SAMD4A: variants seen among roughly 807,000 people sequenced by gnomAD.
The protein encoded by SAMD4A is sterile alpha motif domain containing 4A, also known as protein Smaug homolog 1.
Under a neutral mutation model 81.3 loss-of-function variants are expected in SAMD4A, and 33 were observed. The observed-to-expected ratio is 0.41, with a 90% CI of 0.31 to 0.54. The LOEUF is 0.54. Ranked by LOEUF, SAMD4A falls within the 20% of genes least tolerant of loss-of-function variation. SAMD4A has a pLI of 0.37. For synonymous variants in SAMD4A, 389 were observed against 382.1 expected (o/e 1.02, Z -0.21); for missense variants, 854 against 951.1 (o/e 0.90, Z 1.34).
chr14:54,686,941 T>TTA (rs1414657447), intron 2 of SAMD4A, among the ~76,000 whole-genome samples: 1 of 152,202 alleles, frequency 6.6e-6, no homozygotes, highest in Non-Finnish European at 1.5e-5. Context: ...CATCAGTTGT[T>TTA]TGATAAATAA....
intron 2 of SAMD4A, among the ~76,000 whole-genome samples, chr14:54,630,660 G>T (rs1038553350): frequency 1.3e-5 from 2 of 152,056 alleles, no homozygotes; most frequent in Admixed American, 6.6e-5. Flanking sequence ...CTTTGGTGGT[G>T]GTGGTCATGG....
At chr14:54,565,710 C>T (rs1032289559), upstream of SAMD4A, among the ~76,000 whole-genome samples, 1 of 152,096 alleles carries the variant, frequency 6.6e-6, no homozygotes, top group African/African-American at 2.4e-5. This position sits in a 1 kb window ranked among gnomAD's most constrained non-coding sequence, Gnocchi z 5.4. Context: ...CGGGTGGCAG[C>T]ACCGCCCCCG....
At chr14:54,724,003 T>TGGAAGGAAGGAAGGAAGAAGGAA (rs1311416081) in intron 3 of SAMD4A, among the ~76,000 whole-genome samples, 2 of 56,458 alleles carry the variant, frequency 3.5e-5, no homozygotes, top group Non-Finnish European at 8.7e-5. Context: ...GATGGATGGA[T>TGGAAGGAAGGAAGGAAGAAGGAA]GGATGGAAGG....
rs1219693716 is a variant in SAMD4A at position 54,789,766 on chromosome 14, T to A, written c.*822T>A. On this transcript the variant is annotated 3_prime_UTR_variant, in exon 13 of 13. Transcript: ENST00000554335. ...CAGTCATGTAGGCCTGAGCTGTCCG[T>A]CTTTCACCGTTAGGTGGGAGGAGCG... is the stretch of plus-strand genomic sequence containing the variant. The A allele has an allele frequency of 1.3e-5, 2 of 152,296 alleles. No homozygotes were observed. Among genetic ancestry groups the A allele is most frequent in the Non-Finnish European group, 2.9e-5 (2 of 68,088 alleles). The allele number at this position is 152,296 out of a possible 1,614,324, so 9.4% of individuals were successfully genotyped here. A position where few individuals can be genotyped will look rare whatever the true frequency, so the allele number is the denominator to read the frequency against.
At chr14:54,655,328 T>C (rs992470965) in intron 2 of SAMD4A, among the ~76,000 whole-genome samples, 2 of 152,194 alleles carry the variant, frequency 1.3e-5, no homozygotes, top group Non-Finnish European at 2.9e-5. Context: ...ATCAGTGCAA[T>C]GGCAGTTGGT....
At chr14:54,720,264 T>C (rs548276360) in intron 3 of SAMD4A, among the ~76,000 whole-genome samples, 1 of 152,192 alleles carries the variant, frequency 6.6e-6, no homozygotes, top group Non-Finnish European at 1.5e-5. Flanking sequence ...TCTGAAGATA[T>C]CACATTTGAT....
intron 3 of SAMD4A, among the ~76,000 whole-genome samples, chr14:54,714,229 G>T (rs2037062488): frequency 6.6e-6 from 1 of 152,086 alleles, no homozygotes; most frequent in Non-Finnish European, 1.5e-5. Flanking sequence ...TTAAAATGGA[G>T]CAGGAATTTA....
intron 2 of SAMD4A, among the ~76,000 whole-genome samples, chr14:54,650,729 C>A (rs1490388666): frequency 1.4e-4 from 21 of 152,138 alleles, no homozygotes; most frequent in Non-Finnish European, 1.5e-5. Context: ...CCAACATAAG[C>A]TTTTCTCCTC....
rs1257364604 is a variant in SAMD4A, at chr14:54,628,438, ACT to A, written c.196+60329_196+60330del. ...GAAGAATATTTACTGCAGCAGTATA[ACT>A]CTGCATCAGATGAAATTGCTGATGC... On this transcript the variant is annotated intron_variant, in intron 2 of 12. Transcript: ENST00000554335. 3.3e-5 allele frequency among the ~76,000 whole-genome samples: 5 copies of A among 152,098 alleles called. No individual in the cohort carries two copies. The South Asian group carries it at 6.2e-4, about 19-fold the overall frequency.
At chr14:54,615,782 A>AT (rs34742092) in intron 2 of SAMD4A, among the ~76,000 whole-genome samples, 68,302 of 152,070 alleles carry the variant, frequency 0.45, 15,314 homozygotes, top group Middle Eastern at 0.51. Context: ...TATTACTAAT[A>AT]TTTTAAGCAT....
chr14:54,696,350 ATGATG>A (rs1213986803), intron 2 of SAMD4A, among the ~76,000 whole-genome samples: 6 of 152,220 alleles, frequency 3.9e-5, no homozygotes, highest in African/African-American at 1.4e-4. Context: ...CTTTTAGTAC[ATGATG>A]TGTCTAGGAT....
At chr14:54,575,118 T>C (rs2033249679) in intron 2 of SAMD4A, among the ~76,000 whole-genome samples, 1 of 152,160 alleles carries the variant, frequency 6.6e-6, no homozygotes, top group Non-Finnish European at 1.5e-5. Context: ...GGGAAGTGAA[T>C]GTCCCCCCAA....
At chr14:54,782,840 T>C (rs2139976199) in intron 11 of SAMD4A, among the ~76,000 whole-genome samples, 1 of 152,366 alleles carries the variant, frequency 6.6e-6, no homozygotes, top group Middle Eastern at 3.4e-3. Context: ...TTCAGCTTCC[T>C]ATCCCACCAA....
At chr14:54,628,087 C>T (rs1307283760) in intron 2 of SAMD4A, among the ~76,000 whole-genome samples, 1 of 151,992 alleles carries the variant, frequency 6.6e-6, no homozygotes, top group Non-Finnish European at 1.5e-5. Flanking sequence ...AATTCCATTT[C>T]CTCTCCTCTC....
chr14:54,781,356 G>A (rs1199791014), intron 11 of SAMD4A, among the ~76,000 whole-genome samples: 1 of 152,220 alleles, frequency 6.6e-6, no homozygotes, highest in Non-Finnish European at 1.5e-5. Flanking sequence ...GGATGCTGCA[G>A]CAGCACCTCA....
At chr14:54,756,124 C>T (rs1191993028) in intron 6 of SAMD4A, among the ~76,000 whole-genome samples, 1 of 152,158 alleles carries the variant, frequency 6.6e-6, no homozygotes, top group Non-Finnish European at 1.5e-5. Flanking sequence ...CTAAATATTT[C>T]TGGAGTAATA....
At chr14:54,581,453 C>G (rs1005815001) in intron 2 of SAMD4A, among the ~76,000 whole-genome samples, 6 of 152,228 alleles carry the variant, frequency 3.9e-5, no homozygotes, top group Non-Finnish European at 7.3e-5. Context: ...TCAATTGGGA[C>G]TTTAAGCCTT....
chr14:54,756,414 G>A (rs958504993), intron 6 of SAMD4A, among the ~76,000 whole-genome samples: 7 of 152,162 alleles, frequency 4.6e-5, no homozygotes, highest in Admixed American at 3.9e-4. Context: ...ATCCTTTCCT[G>A]AAACATGCAG....
At chr14:54,694,951 G>T (rs2036540887) in intron 2 of SAMD4A, 1 of 983,814 alleles carries the variant, frequency 1.0e-6, no homozygotes, top group Non-Finnish European at 1.2e-6. Flanking sequence ...GGAAGTATCT[G>T]CTAGGGCAAG....
Sources: allele counts gnomAD v4.1 joint callset (sites outside exome capture counted in the v4.1 genomes callset), GRCh38; gene constraint gnomAD v4.1.1; non-coding constraint Gnocchi (gnomAD v3.1); transcripts MANE v1.5; gene names NCBI Gene and HGNC (gene_info 2026-07-23, HGNC 2026-07-21).